GFRA1: variants seen among roughly 807,000 people sequenced by gnomAD.
GFRA1 encodes GDNF family receptor alpha 1, also known as GDNF family receptor alpha-1.
Under a neutral mutation model 51.6 loss-of-function variants are expected in GFRA1, and 16 were observed. The observed-to-expected ratio is 0.31, with a 90% CI of 0.21 to 0.47. The LOEUF is 0.47. Ranked by LOEUF, GFRA1 falls within the 20% of genes least tolerant of loss-of-function variation. The pLI is 1.00. For missense variants in GFRA1, 530 were observed against 594.3 expected (o/e 0.89, Z 1.13); for synonymous variants, 270 against 241.3 (o/e 1.12, Z -1.10).
chr10:116,156,498 C>G (rs1959202276), intron 5 of GFRA1, among the ~76,000 whole-genome samples: 1 of 152,124 alleles, frequency 6.6e-6, no homozygotes, highest in Admixed American at 6.5e-5. Flanking sequence ...TCTGTTTTGC[C>G]CCAACATGGC....
chr10:116,088,775 G>T (rs1289361402), intron 9 of GFRA1, among the ~76,000 whole-genome samples: 1 of 151,906 alleles, frequency 6.6e-6, no homozygotes, highest in African/African-American at 2.4e-5. Context: ...CAAAAAATTA[G>T]CCAGGCGTGG....
chr10:116,180,180 C>A (rs1309526500), intron 5 of GFRA1, among the ~76,000 whole-genome samples: 3 of 152,120 alleles, frequency 2.0e-5, no homozygotes, highest in African/African-American at 7.2e-5. Flanking sequence ...CTGAGGTGAA[C>A]ATTCAGAAAA....
chr10:116,187,861 C>G (rs1193986317), intron 5 of GFRA1, among the ~76,000 whole-genome samples: 1 of 152,016 alleles, frequency 6.6e-6, no homozygotes, highest in Non-Finnish European at 1.5e-5. Flanking sequence ...ACCTCTGAGG[C>G]CCCCAGAGCA....
Position 116,061,476 on chromosome 10 carries a change from G to A in GFRA1, c.*2922C>T, listed in dbSNP as rs887946435. ...TTAAAAAGATACTCAAGCATGTATC[G>A]GTCAAAAATATTCAACATCAAAGTG... On this transcript the variant is annotated 3_prime_UTR_variant, in exon 11 of 11. Transcript: ENST00000355422. 2.0e-5 allele frequency: 3 copies of A among 152,216 alleles called. No individual in the cohort carries two copies. Among genetic ancestry groups the A allele is most frequent in the African/African-American group, 7.3e-5 (3 of 41,352 alleles). The allele number at this position is 152,216 out of a possible 1,614,324, so 9.4% of individuals were successfully genotyped here.
intron 5 of GFRA1, among the ~76,000 whole-genome samples, chr10:116,159,644 T>C (rs1959536153): frequency 6.6e-6 from 1 of 152,178 alleles, no homozygotes; most frequent in African/African-American, 2.4e-5. Context: ...ACGAACACTC[T>C]GACCTTGCAC....
chr10:116,064,513 G>C lies in GFRA1; in HGVS notation c.1283C>G (p.Ser428Cys). ...GNYEKEGLGA[S>C]SHITTKSMAA... Reference sequence around the variant, plus strand: ...CATTGATTTTGTGGTTATGTGGCTGGAAGCACCGAGACCTTCTTTTTCATA... The same window carrying C: ...CATTGATTTTGTGGTTATGTGGCTGCAAGCACCGAGACCTTCTTTTTCATA... The change falls in exon 11 of 11, where the codon TCC becomes TGC. Residue 428 changes from serine to cysteine, a missense_variant. Transcript: ENST00000355422. The C allele has an allele frequency of 6.2e-7, 1 of 1,613,152 alleles. No homozygotes were observed. Among genetic ancestry groups the C allele is most frequent in the Non-Finnish European group, 8.5e-7 (1 of 1,179,472 alleles).
chr10:116,123,014 G>A (rs1442506242), intron 6 of GFRA1, among the ~76,000 whole-genome samples: 1 of 152,182 alleles, frequency 6.6e-6, no homozygotes, highest in Non-Finnish European at 1.5e-5. Context: ...GACTACAGGG[G>A]GCCAGGAATT....
chr10:116,232,904 G>C (rs959183069), intron 4 of GFRA1, among the ~76,000 whole-genome samples: 1 of 152,136 alleles, frequency 6.6e-6, no homozygotes, highest in African/African-American at 2.4e-5. Context: ...ACACTTAATG[G>C]GGGGCACAGA....
intron 9 of GFRA1, among the ~76,000 whole-genome samples, chr10:116,073,449 A>G (rs887897336): frequency 5.9e-5 from 9 of 152,230 alleles, no homozygotes; most frequent in Non-Finnish European, 1.0e-4. Context: ...ATATTCAGAC[A>G]AGAAGCAATT....
At chr10:116,205,409 T>C (rs1456176145) in intron 5 of GFRA1, among the ~76,000 whole-genome samples, 1 of 151,756 alleles carries the variant, frequency 6.6e-6, no homozygotes, top group Non-Finnish European at 1.5e-5. Context: ...ACCCCATTTC[T>C]AGTAAAAATA....
chr10:116,110,555 G>T (rs939547012), intron 6 of GFRA1, among the ~76,000 whole-genome samples: 1 of 152,132 alleles, frequency 6.6e-6, no homozygotes, highest in Non-Finnish European at 1.5e-5. Flanking sequence ...TAGGAATACT[G>T]GGGAGCCACC....
chr10:116,256,103 G>A (rs1456005046), intron 4 of GFRA1, among the ~76,000 whole-genome samples: 1 of 152,098 alleles, frequency 6.6e-6, no homozygotes, highest in African/African-American at 2.4e-5. Context: ...TTCCGTAAGT[G>A]TTACTTGTAG....
At chr10:116,246,346 G>A (rs113383357) in intron 4 of GFRA1, among the ~76,000 whole-genome samples, 8 of 152,096 alleles carry the variant, frequency 5.3e-5, no homozygotes, top group African/African-American at 1.9e-4. Flanking sequence ...CAGGAGAATC[G>A]CTTGAACCCG....
At position 116,058,041 on chromosome 10, in the gene GFRA1, T is replaced by TGTGTGTGA. The variant is rs557175351; in HGVS notation, c.*6356_*6357insTCACACAC. 2.8e-5 allele frequency: 3 copies of TGTGTGTGA among 108,442 alleles called. No individual in the cohort carries two copies. Among genetic ancestry groups the TGTGTGTGA allele is most frequent in the African/African-American group, 1.1e-4 (3 of 26,588 alleles). 6.7% of individuals were successfully genotyped at this position (108,442 alleles called of 1,614,324 possible). ...GTGTGTGTGTGTGTGTGTGTGTGTG[T>TGTGTGTGA]GACAGAGAGAACCACGCTTTATTGG... On this transcript the variant is annotated 3_prime_UTR_variant, in exon 11 of 11. Transcript: ENST00000355422.
At chr10:116,227,906 C>T (rs575363610) in intron 4 of GFRA1, among the ~76,000 whole-genome samples, 138 of 152,356 alleles carry the variant, frequency 9.1e-4, no homozygotes, top group Non-Finnish European at 1.7e-3. Context: ...ACCACAATCT[C>T]TGCCCTCTGG....
intron 5 of GFRA1, among the ~76,000 whole-genome samples, chr10:116,168,253 C>G (rs1051215580): frequency 6.6e-5 from 10 of 151,606 alleles, no homozygotes; most frequent in Admixed American, 1.3e-4. Context: ...TGGAATAGGG[C>G]AGTGAATAAC....
chr10:116,135,835 TAGTC>T (rs150696904), intron 5 of GFRA1, among the ~76,000 whole-genome samples: 1,876 of 152,318 alleles, frequency 0.012, 40 homozygotes, highest in African/African-American at 0.041. Context: ...AATTTAGTAA[TAGTC>T]AGTCTAAGAC....
intron 4 of GFRA1, among the ~76,000 whole-genome samples, chr10:116,242,537 A>G (rs1336577821): frequency 6.6e-6 from 1 of 151,276 alleles, no homozygotes; most frequent in Non-Finnish European, 1.5e-5. Context: ...GCTGGAGTGC[A>G]GTGGTGCGGT....
At chr10:116,118,942 G>A (rs1300481678) in intron 6 of GFRA1, among the ~76,000 whole-genome samples, 1 of 152,086 alleles carries the variant, frequency 6.6e-6, no homozygotes, top group African/African-American at 2.4e-5. Flanking sequence ...CTCCAGCAGG[G>A]GCAGACAAAT....
Sources: gnomAD v4.1 joint callset for allele counts (sites outside exome capture counted in the v4.1 genomes callset) on GRCh38, gnomAD v4.1.1 for gene constraint, MANE v1.5 for transcripts, NCBI Gene and HGNC (gene_info 2026-07-23, HGNC 2026-07-21) for gene names.